The following EPHA4 variants were observed in gnomAD, a reference collection of about 807,000 sequenced individuals.
EPHA4 encodes ephrin type-A receptor 4.
A neutral mutation model predicts 108.3 loss-of-function variants in EPHA4; 19 were observed. The observed-to-expected ratio is 0.18, with a 90% confidence interval of 0.12 to 0.26. The LOEUF is 0.26. EPHA4 is among the 10% of genes least tolerant of loss of function. The pLI is 1.00. For missense variants in EPHA4, 917 were observed against 1,254.0 expected (o/e 0.73, Z 4.06); for synonymous variants, 449 against 455.5 (o/e 0.99, Z 0.18).
At chr2:221,505,671 T>C (rs1019920996) in intron 3 of EPHA4, among the ~76,000 whole-genome samples, 3 of 152,194 alleles carry the variant, frequency 2.0e-5, no homozygotes, top group Non-Finnish European at 2.9e-5. Flanking sequence ...AAATTATCTA[T>C]GTGGCTTGCA....
rs369326575 is a variant in EPHA4, at chr2:221,499,715, AATATATATATAT to A, written c.979+1290_979+1301del. 4.7e-3 allele frequency among the ~76,000 whole-genome samples: 227 copies of A among 48,412 alleles called. 4 individuals carry two copies. Among genetic ancestry groups the A allele is most frequent in the Middle Eastern group, 0.025 (1 of 40 alleles). The allele number at this position is 48,412 out of a possible 152,430, so 31.8% of individuals were successfully genotyped here. On this transcript the variant is annotated intron_variant, in intron 4 of 17. Coordinates refer to ENST00000281821, the MANE Select transcript of EPHA4 (RefSeq NM_004438.5). Reference sequence around the variant, plus strand: ...AATAGTCATAATGATAACTAAAACTAATATATATATATATATATATATATATATATATATATA... The same window carrying A: ...AATAGTCATAATGATAACTAAAACTAATATATATATATATATATATATATA...
At chr2:221,511,582 T>C (rs2106165841) in intron 3 of EPHA4, among the ~76,000 whole-genome samples, 1 of 141,070 alleles carries the variant, frequency 7.1e-6, no homozygotes, top group African/African-American at 2.5e-5. Context: ...CGGGAGTCTG[T>C]CTGAATCTGC....
chr2:221,514,086 GC>G (rs1398430209), intron 3 of EPHA4, among the ~76,000 whole-genome samples: 1 of 68,250 alleles, frequency 1.5e-5, no homozygotes, highest in African/African-American at 7.3e-5. Context: ...ACTCCTGTAA[GC>G]CGGGGGGAGG....
intron 3 of EPHA4, among the ~76,000 whole-genome samples, chr2:221,555,194 T>C (rs556575281): frequency 1.2e-4 from 18 of 152,180 alleles, no homozygotes; most frequent in Non-Finnish European, 2.4e-4. Context: ...AAAAGAGCCC[T>C]GTGCAAATAG....
chr2:221,496,699 G>A (rs60227615), intron 4 of EPHA4, among the ~76,000 whole-genome samples: 5,500 of 152,152 alleles, frequency 0.036, 195 homozygotes, highest in East Asian at 0.078. Context: ...CCTGAGGTCC[G>A]GAATTCAAGA....
At chr2:221,469,651 T>C (rs1196917234) in intron 5 of EPHA4, among the ~76,000 whole-genome samples, 3 of 152,092 alleles carry the variant, frequency 2.0e-5, no homozygotes, top group South Asian at 4.2e-4. Context: ...GTTGAAAGAG[T>C]TGGGAGTCAA....
At chr2:221,459,078 A>G (rs943581682) in intron 5 of EPHA4, among the ~76,000 whole-genome samples, 1 of 152,186 alleles carries the variant, frequency 6.6e-6, no homozygotes, top group Non-Finnish European at 1.5e-5. Flanking sequence ...AACAAAGATA[A>G]AAAGTGAAAT....
chr2:221,523,634 C>T (rs1347930682), intron 3 of EPHA4, among the ~76,000 whole-genome samples: 1 of 145,766 alleles, frequency 6.9e-6, no homozygotes, highest in African/African-American at 2.5e-5. Context: ...CCCTCTGTCA[C>T]CCAGGCTGGA....
intron 8 of EPHA4, among the ~76,000 whole-genome samples, chr2:221,449,915 C>T (rs932725452): frequency 7.2e-5 from 11 of 152,322 alleles, no homozygotes; most frequent in African/African-American, 9.6e-5. Flanking sequence ...CAGCACTGAA[C>T]GGCATCACCC....
At chr2:221,510,534 A>G (rs1454850998) in intron 3 of EPHA4, among the ~76,000 whole-genome samples, 3 of 152,196 alleles carry the variant, frequency 2.0e-5, no homozygotes, top group African/African-American at 7.2e-5. Flanking sequence ...TGACAGAAAA[A>G]AACTATGCTG....
At chr2:221,428,248 C>T (rs185303804) in intron 15 of EPHA4, among the ~76,000 whole-genome samples, 30 of 152,170 alleles carry the variant, frequency 2.0e-4, no homozygotes, top group Admixed American at 1.8e-3. Context: ...TATCTTCACT[C>T]GATGTCAATT....
In EPHA4 at chr2:221,442,866, A is replaced by G; in HGVS notation, c.2037T>C (p.His679=). Residue 679 remains histidine (H), a synonymous_variant, in exon 11 of 18, where the codon CAT becomes CAC. Transcript: ENST00000281821. ...SEASIMGQFD[H]PNIIHLEGVV... ...CGCCTTCCAAGTGAATGATGTTCGG[A>G]TGGTCAAACTGTCCCATGATGCTGG... The G allele has an allele frequency of 6.2e-7, 1 of 1,614,156 alleles. No individual in the cohort carries two copies. The highest frequency in any genetic ancestry group is 1.1e-5 in the South Asian group (1 of 91,076).
upstream of EPHA4, chr2:221,572,315 A>T (rs1428861637): frequency 7.0e-7 from 1 of 1,433,528 alleles, no homozygotes; most frequent in African/African-American, 1.4e-5. Context: ...AAGTTAGGAG[A>T]GCAGCGGGCT....
chr2:221,508,876 T>C (rs1461185859), intron 3 of EPHA4, among the ~76,000 whole-genome samples: 3 of 143,702 alleles, frequency 2.1e-5, no homozygotes, highest in East Asian at 4.4e-4. Flanking sequence ...ACATCAATAT[T>C]GTGAACTGAT....
chr2:221,523,433 A>G (rs1693233489), intron 3 of EPHA4, among the ~76,000 whole-genome samples: 2 of 151,080 alleles, frequency 1.3e-5, no homozygotes, highest in African/African-American at 4.9e-5. Context: ...GATTACAAGC[A>G]TGTGCCACCA....
rs532823176 is a variant in EPHA4, at chr2:221,473,598, G to T, written c.1318+8754C>A. On this transcript the variant is annotated intron_variant, in intron 5 of 17. Coordinates refer to ENST00000281821, the MANE Select transcript of EPHA4 (RefSeq NM_004438.5). Reference sequence around the variant, plus strand: ...AACTATTTAAAGACATCAGCAGGGGGTTAATGGAAGCTTTGATAAAGTTTC... The same window carrying T: ...AACTATTTAAAGACATCAGCAGGGGTTTAATGGAAGCTTTGATAAAGTTTC... Among the ~76,000 whole-genome samples the T allele has an allele frequency of 2.3e-4, 35 of 151,926 alleles. 1 individual carries two copies. The highest frequency in any genetic ancestry group is 7.5e-4 in the African/African-American group (31 of 41,446).
At chr2:221,572,314 G>A, upstream of EPHA4, 1 of 1,441,898 alleles carries the variant, frequency 6.9e-7, no homozygotes, top group Non-Finnish European at 9.7e-7. Context: ...TAAGTTAGGA[G>A]AGCAGCGGGC....
Position 221,436,440 on chromosome 2 carries a change from G to T in EPHA4, c.2305C>A (p.Arg769=), listed in dbSNP as rs56159060. Reference sequence around the variant, plus strand: ...GCTTCCGGATCATCCTCAAGCACTCGGGACATGCCAAAATCAGACACTTTG... The same window carrying T: ...GCTTCCGGATCATCCTCAAGCACTCTGGACATGCCAAAATCAGACACTTTG... The part of the protein sequence containing the change: ...VCKVSDFGMS[R]VLEDDPEAAY... Residue 769 remains arginine, a synonymous_variant, in exon 13 of 18, where the codon CGA becomes AGA. Coordinates refer to ENST00000281821, the MANE Select transcript of EPHA4 (RefSeq NM_004438.5). 1.9e-4 allele frequency: 310 copies of T among 1,613,924 alleles called. No homozygotes were observed. The highest frequency in any genetic ancestry group is 2.4e-4 in the Non-Finnish European group (280 of 1,180,018).
rs1207431142 is a variant in EPHA4, at chr2:221,571,765, T to G, written c.91+393A>C. On this transcript the variant is annotated intron_variant, in intron 1 of 17. Coordinates refer to ENST00000281821, the MANE Select transcript of EPHA4 (RefSeq NM_004438.5). The surrounding 1 kb of genome is among the most constrained non-coding windows in gnomAD (Gnocchi z 6.3). ...GAATCCGGGAGCACCAAGCCTTCAC[T>G]GTGCTCCAGGCTGCGTTTTCCCCTC... is the stretch of plus-strand genomic sequence containing the variant. Among the ~76,000 whole-genome samples, 1 of 152,068 alleles carries G rather than the reference T, an allele frequency of 6.6e-6. No individual in the cohort carries two copies. Among genetic ancestry groups the G allele is most frequent in the Admixed American group, 6.5e-5 (1 of 15,282 alleles).
Sources: gnomAD v4.1 joint callset for allele counts (sites outside exome capture counted in the v4.1 genomes callset) on GRCh38, gnomAD v4.1.1 for gene constraint, Gnocchi (gnomAD v3.1) non-coding constraint, MANE v1.5 for transcripts, NCBI Gene and HGNC (gene_info 2026-07-23, HGNC 2026-07-21) for gene names.